SAMD11: variants seen among roughly 807,000 people sequenced by gnomAD.
SAMD11 encodes sterile alpha motif domain containing 11, also known as sterile alpha motif domain-containing protein 11.
SAMD11 carries 77 observed loss-of-function variants against 64.4 expected under a neutral mutation model. The observed-to-expected ratio is 1.20, with a 90% CI of 0.99 to 1.44. The LOEUF (loss-of-function observed/expected upper bound fraction) is 1.44, where lower values mean the gene tolerates loss of function less well. SAMD11 is among the 40% of genes most tolerant of loss of function. SAMD11 has a pLI of 0.00. For missense variants in SAMD11, 1,402 were observed against 943.3 expected, an observed-to-expected ratio of 1.49 and a Z score of -6.37; for synonymous variants, 658 against 421.9, an observed-to-expected ratio of 1.56 and a Z score of -6.86.
In SAMD11 at chr1:943,948, T is replaced by A. The variant is rs749739920; in HGVS notation, c.2330T>A (p.Phe777Tyr). The change falls in exon 14 of 14, where the codon TTC becomes TAC. Residue 777 changes from phenylalanine (F) to tyrosine (Y), a missense_variant. Coordinates refer to ENST00000616016, the MANE Select transcript of SAMD11 (RefSeq NM_001385641.1). Reference sequence around the variant, plus strand: ...GGCCGAGTTTTCTACGTGGCCAGCTTCCCCGTGGCTCTGCCACTGCAGCCA... The same window carrying A: ...GGCCGAGTTTTCTACGTGGCCAGCTACCCCGTGGCTCTGCCACTGCAGCCA... ...RLGRVFYVASFPVALPLQPPT... is the reference protein window; with the variant it reads ...RLGRVFYVASYPVALPLQPPT... 1 of 1,612,466 alleles carries A rather than the reference T, an allele frequency of 6.2e-7. No individual in the cohort carries two copies. The highest frequency in any genetic ancestry group is 1.3e-5 in the African/African-American group (1 of 74,886).
chr1:935,173 G>A (rs1002575303), intron 4 of SAMD11, among the ~76,000 whole-genome samples: 1 of 152,142 alleles, frequency 6.6e-6, no homozygotes, highest in Admixed American at 6.5e-5. Context: ...AATGCATGTT[G>A]ATTCCAAGCC....
At chr1:937,407 C>CCG (rs70949528) in intron 5 of SAMD11, among the ~76,000 whole-genome samples, 1 of 104,078 alleles carries the variant, frequency 9.6e-6, no homozygotes, top group African/African-American at 4.0e-5. Flanking sequence ...CCCCCCCCCC[C>CCG]ACCCAGTCAC....
chr1:936,821 G>A (rs1569893354), intron 5 of SAMD11, among the ~76,000 whole-genome samples: 4 of 152,300 alleles, frequency 2.6e-5, no homozygotes, highest in Non-Finnish European at 4.4e-5. Flanking sequence ...AGAGGCGGTT[G>A]ATAAAATCTA....
At chr1:930,453 C>G in intron 3 of SAMD11, 117 bp downstream of exon 3, 1 of 1,201,580 alleles carries the variant, frequency 8.3e-7, no homozygotes, top group African/African-American at 1.5e-5. Flanking sequence ...CCCTCAGATG[C>G]TGGTCTTTTT....
chr1:941,271 CGCCGCCCCAGCT>C lies in SAMD11; in HGVS notation c.1332_1343del (p.Ala445_Pro448del). 2 of 1,597,086 alleles carry C rather than the reference CGCCGCCCCAGCT, an allele frequency of 1.3e-6. No individual in the cohort carries two copies. The highest frequency in any genetic ancestry group is 1.7e-5 in the Admixed American group (1 of 58,504). ...AGGGCCTGGCTCAGCACCGGGAGGG[CGCCGCCCCAGCT>C]GCCGCCCCGTCCTTCTCGGAGAGGT... On this transcript the variant is annotated inframe_deletion, in exon 8 of 14. Coordinates refer to ENST00000616016, the MANE Select transcript of SAMD11 (RefSeq NM_001385641.1).
rs762742545 is a variant in SAMD11, at chr1:939,147, A to T, written c.1057+18A>T. ...GCCTCAAGGTAAGAGCGTGGCTGGG[A>T]CGAGAGACAGGTCACCAGGGGAGGG... On this transcript the variant is annotated intron_variant, in intron 6 of 13. Transcript: ENST00000616016. 1.1e-4 allele frequency: 180 copies of T among 1,569,582 alleles called. 1 individual carries two copies. Among genetic ancestry groups the T allele is most frequent in the Non-Finnish European group, 7.8e-6 (9 of 1,156,704 alleles).
rs760083651 is a variant in SAMD11, at chr1:935,888, G to A, written c.959G>A (p.Arg320Gln). Residue 320 changes from arginine to glutamine, a missense_variant, in exon 5 of 14, where the codon CGA (arginine) becomes CAA (glutamine). Transcript: ENST00000616016. Reference protein sequence around the residue: ...FQRGSLEIGLRPAGDLLGKRL... With the variant: ...FQRGSLEIGLQPAGDLLGKRL... ...AGAGGCAGCCTGGAGATTGGCCTGC[G>A]ACCCGCCGGTGAGGAGCACAGGGGG... The A allele has an allele frequency of 1.4e-5, 22 of 1,611,542 alleles. No individual in the cohort carries two copies. In the Admixed American group the frequency reaches 3.0e-4, roughly 22 times the overall value.
intron 6 of SAMD11, 42 bp downstream of exon 6, chr1:939,171 G>A (rs202087572): frequency 4.7e-5 from 73 of 1,556,014 alleles, no homozygotes; most frequent in Non-Finnish European, 6.0e-5. Flanking sequence ...ACCAGGGGAG[G>A]GGGCAGTCCC....
At position 927,543 on chromosome 1, in the gene SAMD11, C is replaced by G. The variant is rs530930906; in HGVS notation, c.609+1530C>G. ...CTCCCAGGCCTGTCCCACACCCTTCCCCTAGGAAGCAACTCCAGGGGCCCC... is the reference window on the plus strand; with the variant it reads ...CTCCCAGGCCTGTCCCACACCCTTCGCCTAGGAAGCAACTCCAGGGGCCCC... On this transcript the variant is annotated intron_variant, in intron 2 of 13. Coordinates refer to ENST00000616016, the MANE Select transcript of SAMD11 (RefSeq NM_001385641.1). Among the ~76,000 whole-genome samples, 4 of 152,306 alleles carry G rather than the reference C, an allele frequency of 2.6e-5. No homozygotes were observed. In the East Asian group the frequency reaches 7.7e-4, roughly 29 times the overall value.
Position 944,566 on chromosome 1 carries a change from T to C in SAMD11, c.*413T>C, listed in dbSNP as rs1557613631. ...GTCTTTCATGCTGAAAAATAAATAA[T>C]AAAGCCTGTCCCGTGTCTACTGCCT... On this transcript the variant is annotated 3_prime_UTR_variant, in exon 14 of 14. Transcript: ENST00000616016. The C allele has an allele frequency of 3.1e-6, 2 of 639,562 alleles. No homozygotes were observed. Among genetic ancestry groups the C allele is most frequent in the Non-Finnish European group, 5.3e-6 (2 of 376,740 alleles). 39.6% of individuals were successfully genotyped at this position (639,562 alleles called of 1,614,324 possible).
intron 2 of SAMD11, among the ~76,000 whole-genome samples, chr1:929,356 G>A (rs1462262418): frequency 6.6e-6 from 1 of 152,202 alleles, no homozygotes; most frequent in Non-Finnish European, 1.5e-5. Context: ...TGAGAAATGC[G>A]GGGCAGGGTT....
chr1:935,639 C>T (rs1267410525), intron 4 of SAMD11, 133 bp from the exon 5 acceptor site: 9 of 1,228,684 alleles, frequency 7.3e-6, no homozygotes, highest in Non-Finnish European at 9.3e-6. Flanking sequence ...CATGCCGAGG[C>T]GTGGGCACAG....
chr1:942,194 G>A lies in SAMD11; in HGVS notation c.1417G>A (p.Gly473Ser). ...SPQNAPHVAL[G>S]PHLRPPFLGV... Reference sequence around the variant, plus strand: ...GCAGAATGCCCCTCACGTCGCCCTGGGCCCCCATCTCAGGCCCCCCTTCCT... The same window carrying A: ...GCAGAATGCCCCTCACGTCGCCCTGAGCCCCCATCTCAGGCCCCCCTTCCT... Residue 473 changes from glycine (G) to serine (S), a missense_variant, in exon 9 of 14, where the codon GGC (glycine) becomes AGC (serine). Coordinates refer to ENST00000616016, the MANE Select transcript of SAMD11 (RefSeq NM_001385641.1). 7.2e-7 allele frequency: 1 copy of A among 1,389,800 alleles called. No individual in the cohort carries two copies. The highest frequency in any genetic ancestry group is 9.3e-7 in the Non-Finnish European group (1 of 1,070,396). 86.1% of individuals were successfully genotyped at this position (1,389,800 alleles called of 1,614,324 possible). A position where few individuals can be genotyped will look rare whatever the true frequency, so the allele number is the denominator to read the frequency against.
At chr1:925,339 G>T in intron 1 of SAMD11, 1 of 150,842 alleles carries the variant, frequency 6.6e-6, no homozygotes, top group South Asian at 1.8e-4. Flanking sequence ...CGCGCGGCGG[G>T]GGAGGCTGCG....
intron 1 of SAMD11, 50 bp from the exon 2 acceptor site, chr1:925,872 C>CAGAAGCGT: frequency 7.2e-7 from 1 of 1,385,708 alleles, no homozygotes; most frequent in South Asian, 1.2e-5. Flanking sequence ...GCTGACTGCG[C>CAGAAGCGT]GCAGAAGCGT....
intron 4 of SAMD11, among the ~76,000 whole-genome samples, chr1:931,371 T>TA: frequency 6.6e-6 from 1 of 152,134 alleles, no homozygotes; most frequent in Non-Finnish European, 1.5e-5. Context: ...GCCCTGGAGT[T>TA]AGAGTGCACT....
chr1:925,999 A>C lies in SAMD11; in HGVS notation c.595A>C (p.Ile199Leu), dbSNP rs1640865326. 1 of 1,611,790 alleles carries C rather than the reference A, an allele frequency of 6.2e-7. No homozygotes were observed. Among genetic ancestry groups the C allele is most frequent in the Admixed American group, 1.7e-5 (1 of 60,000 alleles). ...PPICDCPGCR[I>L]SSPVNRGRLA... is the part of the protein sequence containing the mutation. ...GATCTGCGACTGCCCGGGCTGCCGAATATCCTCCCCGGTGGTGAGATGCGG... is the reference window on the plus strand; with the variant it reads ...GATCTGCGACTGCCCGGGCTGCCGACTATCCTCCCCGGTGGTGAGATGCGG... Residue 199 changes from isoleucine (I) to leucine (L), a missense_variant, in exon 2 of 14, where the codon ATA (isoleucine) becomes CTA (leucine). Physicochemically the swap from Ile to Leu is conservative, Grantham distance 5. Coordinates refer to ENST00000616016, the MANE Select transcript of SAMD11 (RefSeq NM_001385641.1).
intron 11 of SAMD11, 50 bp from the exon 12 acceptor site, chr1:943,203 C>A: frequency 1.9e-6 from 3 of 1,609,822 alleles, no homozygotes; most frequent in South Asian, 1.1e-5. Flanking sequence ...AGGAGACGGG[C>A]GGGTATGGGA....
At chr1:943,187 A>C in intron 11 of SAMD11, 66 bp from the exon 12 acceptor site, 1 of 1,607,104 alleles carries the variant, frequency 6.2e-7, no homozygotes, top group Non-Finnish European at 8.5e-7. Context: ...GGGGCACACG[A>C]CGGTCAGGAG....
Sources: gnomAD v4.1 joint callset for allele counts (sites outside exome capture counted in the v4.1 genomes callset) on GRCh38, gnomAD v4.1.1 for gene constraint, MANE v1.5 for transcripts, NCBI Gene and HGNC (gene_info 2026-07-23, HGNC 2026-07-21) for gene names.